MBOAT4: variants seen among roughly 807,000 people sequenced by gnomAD.
MBOAT4 encodes the protein membrane-bound ghrelin O-acyltransferase MBOAT4.
MBOAT4 carries 11 observed loss-of-function variants against 13.2 expected under a neutral mutation model. The ratio of observed to expected loss-of-function variants is 0.84; its 90% CI spans 0.53 to 1.38. The LOEUF (loss-of-function observed/expected upper bound fraction) is 1.38. Among genes scored for constraint, MBOAT4 ranks in the 40% most tolerant of loss-of-function variants. The pLI is 0.00. For missense variants in MBOAT4, 481 were observed against 527.2 expected (o/e 0.91, Z 0.86); for synonymous variants, 202 against 210.3 (o/e 0.96, Z 0.34).
At chr8:30,140,588 C>T (rs1803246491) in intron 1 of MBOAT4, among the ~76,000 whole-genome samples, 1 of 152,158 alleles carries the variant, frequency 6.6e-6, no homozygotes, top group South Asian at 2.1e-4. Flanking sequence ...ACTTATCTTG[C>T]TACAACAAAA....
In MBOAT4 at chr8:30,138,689, C is replaced by T. The variant is rs1197969350; in HGVS notation, c.187G>A (p.Val63Ile). ...VAAMGSYAVLVFTPAVCAVAL... is the reference protein window; with the variant it reads ...VAAMGSYAVLIFTPAVCAVAL... ...ACAGCGCAGACAGCAGGGGTGAAGA[C>T]GAGCACGGCGTAGGAACCCATGGCA... is the stretch of plus-strand genomic sequence containing the variant. Residue 63 changes from valine to isoleucine, a missense_variant, in exon 2 of 3, where the codon GTC (valine) becomes ATC (isoleucine). Physicochemically the swap from Val to Ile is conservative, Grantham distance 29. Coordinates refer to ENST00000320542, the MANE Select transcript of MBOAT4 (RefSeq NM_001100916.2). The T allele has an allele frequency of 1.1e-5, 17 of 1,550,796 alleles. No homozygotes were observed. The highest frequency in any genetic ancestry group is 4.1e-5 in the African/African-American group (3 of 73,018).
At chr8:30,138,862 A>G (rs1294779425) in intron 1 of MBOAT4, 106 bp from the exon 2 acceptor site, 1 of 773,838 alleles carries the variant, frequency 1.3e-6, no homozygotes, top group Non-Finnish European at 2.1e-6. Flanking sequence ...CCCACACAAC[A>G]CCTAAAGTAG....
chr8:30,140,731 C>T (rs901227530), intron 1 of MBOAT4, among the ~76,000 whole-genome samples: 1 of 152,120 alleles, frequency 6.6e-6, no homozygotes, highest in African/African-American at 2.4e-5. Context: ...GTGACCACGA[C>T]CGTATGTTTC....
intron 1 of MBOAT4, among the ~76,000 whole-genome samples, chr8:30,141,668 C>T (rs1016244849): frequency 3.3e-5 from 5 of 151,720 alleles, no homozygotes; most frequent in African/African-American, 9.7e-5. Flanking sequence ...AAAAGAAAAG[C>T]GAAAATAAAA....
chr8:30,142,879 G>A (rs934376300), intron 1 of MBOAT4, among the ~76,000 whole-genome samples: 6 of 152,164 alleles, frequency 3.9e-5, no homozygotes, highest in African/African-American at 1.4e-4. Context: ...CTGATCGTTA[G>A]ATACAGCTAT....
intron 1 of MBOAT4, among the ~76,000 whole-genome samples, chr8:30,143,366 AATAT>A (rs1329756154): frequency 4.8e-3 from 96 of 20,190 alleles, no homozygotes; most frequent in East Asian, 0.011. Context: ...AAAAAAAAAA[AATAT>A]ATATATATAT....
chr8:30,138,312 A>G lies in MBOAT4; in HGVS notation c.344+220T>C, dbSNP rs189369944. ...GAAGGTGAACCCACTGGGCGGTTACACTAACATTCACAACAATCTTGCAAC... is the reference window on the plus strand; with the variant it reads ...GAAGGTGAACCCACTGGGCGGTTACGCTAACATTCACAACAATCTTGCAAC... On this transcript the variant is annotated intron_variant, in intron 2 of 2. Transcript: ENST00000320542. 447 of 462,202 alleles carry G rather than the reference A, an allele frequency of 9.7e-4. 1 individual carries two copies. Among genetic ancestry groups the G allele is most frequent in the Non-Finnish European group, 1.3e-3 (334 of 253,216 alleles). The allele number at this position is 462,202 out of a possible 1,614,324, so 28.6% of individuals were successfully genotyped here. A position where few individuals can be genotyped will look rare whatever the true frequency, so the allele number is the denominator to read the frequency against.
In MBOAT4 at chr8:30,138,588, C is replaced by T. The variant is rs758737869; in HGVS notation, c.288G>A (p.Leu96=). 7 of 1,551,642 alleles carry T rather than the reference C, an allele frequency of 4.5e-6. No homozygotes were observed. The South Asian group carries it at 7.1e-5, about 16-fold the overall frequency. Residue 96 remains leucine (L), a synonymous_variant, in exon 2 of 3, where the codon TTG becomes TTA. Transcript: ENST00000320542. ...TFCFQMSWQT[L]CHLGLHYTEY... is the part of the protein sequence containing the mutation. ...CAGTGTAGTGCAGACCTAGGTGACA[C>T]AAGGTCTGCCAGCTCATCTGAAAGC...
intron 1 of MBOAT4, among the ~76,000 whole-genome samples, chr8:30,141,714 G>T (rs988700719): frequency 7.2e-5 from 11 of 152,122 alleles, no homozygotes; most frequent in Admixed American, 6.5e-4. Flanking sequence ...CTTTTGACTC[G>T]CTGGGAAAGC....
intron 2 of MBOAT4, chr8:30,137,240 A>G: frequency 6.7e-7 from 1 of 1,488,846 alleles, no homozygotes; most frequent in Non-Finnish European, 9.2e-7. Context: ...ACTTCTCTAG[A>G]CTGTAATTAG....
intron 1 of MBOAT4, among the ~76,000 whole-genome samples, chr8:30,141,440 G>A (rs1803258496): frequency 6.6e-6 from 1 of 152,008 alleles, no homozygotes; most frequent in South Asian, 2.1e-4. Context: ...TTCGAGGCCA[G>A]CCTGGCTAAC....
intron 1 of MBOAT4, among the ~76,000 whole-genome samples, chr8:30,140,057 A>G (rs181623604): frequency 6.6e-6 from 1 of 151,872 alleles, no homozygotes; most frequent in Non-Finnish European, 1.5e-5. Flanking sequence ...CTTTTTTTTT[A>G]GACAGAGTCT....
rs1219115730 is a variant in MBOAT4 at position 30,132,660 on chromosome 8, A to T, written c.591T>A (p.His197Gln). The change falls in exon 3 of 3, where the codon CAT becomes CAA. Residue 197 changes from histidine (H) to glutamine (Q), a missense_variant. Transcript: ENST00000320542. ...QARVQGSSALHPRHSFWALSW... is the reference protein window; with the variant it reads ...QARVQGSSALQPRHSFWALSW... ...TCAGAGCCCAGAAAGAGTGTCTGGG[A>T]TGCAAAGCACTGGACCCTTGAACAC... The T allele has an allele frequency of 4.5e-6, 7 of 1,551,724 alleles. No homozygotes were observed. Among genetic ancestry groups the T allele is most frequent in the Non-Finnish European group, 6.1e-6 (7 of 1,147,002 alleles).
At chr8:30,142,531 ACT>A (rs1345298939) in intron 1 of MBOAT4, among the ~76,000 whole-genome samples, 2 of 151,836 alleles carry the variant, frequency 1.3e-5, no homozygotes, top group Non-Finnish European at 2.9e-5. Context: ...AATTTTTTGT[ACT>A]TTTTGTAGAG....
At chr8:30,140,084 T>C (rs4733391) in intron 1 of MBOAT4, among the ~76,000 whole-genome samples, 129,292 of 152,156 alleles carry the variant, frequency 0.85, 55,582 homozygotes, top group Middle Eastern at 0.94. Flanking sequence ...GTTGCCCGGA[T>C]TGGAGTGCAG....
Position 30,138,554 on chromosome 8 carries a change from G to A in MBOAT4, c.322C>T (p.Leu108=). 1.3e-6 allele frequency: 2 copies of A among 1,551,198 alleles called. No homozygotes were observed. The highest frequency in any genetic ancestry group is 1.7e-6 in the Non-Finnish European group (2 of 1,146,714). ...HLGLHYTEYY[L]HEPPSVRFCI... is the part of the protein sequence containing the mutation. ...TACCTCACAGAAGGAGGCTCATGCA[G>A]ATAATACTCAGTGTAGTGCAGACCT... Residue 108 remains leucine (L), a synonymous_variant, in exon 2 of 3, where the codon CTG becomes TTG. Coordinates refer to ENST00000320542, the MANE Select transcript of MBOAT4 (RefSeq NM_001100916.2).
intron 1 of MBOAT4, among the ~76,000 whole-genome samples, chr8:30,142,412 G>C (rs542464906): frequency 6.6e-6 from 1 of 152,294 alleles, no homozygotes; most frequent in African/African-American, 2.4e-5. Flanking sequence ...CTGGAGTGCA[G>C]TGGCATAATC....
intron 1 of MBOAT4, among the ~76,000 whole-genome samples, chr8:30,142,485 A>G (rs1429342220): frequency 4.6e-5 from 7 of 152,166 alleles, no homozygotes; most frequent in Non-Finnish European, 1.0e-4. Context: ...GCTCCTAAGT[A>G]GCCGGGACTA....
intron 1 of MBOAT4, among the ~76,000 whole-genome samples, chr8:30,140,161 T>C (rs910352451): frequency 6.6e-6 from 1 of 152,108 alleles, no homozygotes; most frequent in Non-Finnish European, 1.5e-5. Flanking sequence ...CTCAGCCTCC[T>C]GAGTAGCTGG....
Sources: allele counts gnomAD v4.1 joint callset (sites outside exome capture counted in the v4.1 genomes callset), GRCh38; gene constraint gnomAD v4.1.1; transcripts MANE v1.5; gene names NCBI Gene and HGNC (gene_info 2026-07-23, HGNC 2026-07-21).